The following DHX57 variants were observed in gnomAD, a reference collection of about 807,000 sequenced individuals.
The protein encoded by DHX57 is DExH-box helicase 57, also known as putative ATP-dependent RNA helicase DHX57.
A neutral mutation model predicts 156.2 loss-of-function variants in DHX57; 105 were observed. That is an observed-to-expected ratio of 0.67 (90% CI 0.57 to 0.79). DHX57 has a LOEUF of 0.79. Ranked by LOEUF, DHX57 falls within the 30% of genes least tolerant of loss-of-function variation. The probability of loss-of-function intolerance (pLI) is 0.00; values close to 1 mark genes in which losing one functional copy is unlikely to be tolerated. For missense variants in DHX57, 1,847 were observed against 1,661.9 expected, an observed-to-expected ratio of 1.11 and a Z score of -1.94; for synonymous variants, 704 against 595.6, an observed-to-expected ratio of 1.18 and a Z score of -2.65.
At chr2:38,837,526 G>A (rs569581071) in intron 13 of DHX57, among the ~76,000 whole-genome samples, 12 of 145,518 alleles carry the variant, frequency 8.2e-5, no homozygotes, top group Non-Finnish European at 1.3e-4. Flanking sequence ...CAGGAGAATC[G>A]CTTGAACCCG....
At chr2:38,845,700 TAAG>T (rs1006488720) in intron 11 of DHX57, among the ~76,000 whole-genome samples, 1 of 151,978 alleles carries the variant, frequency 6.6e-6, no homozygotes, top group African/African-American at 2.4e-5. Flanking sequence ...GATCAGAGAC[TAAG>T]AAGAGAAAGT....
intron 9 of DHX57, among the ~76,000 whole-genome samples, chr2:38,852,394 C>G (rs1197823486): frequency 6.7e-6 from 1 of 148,924 alleles, no homozygotes; most frequent in East Asian, 2.0e-4. Flanking sequence ...TCCTATCAGT[C>G]CACCAAGTTT....
Position 38,823,204 on chromosome 2 carries a change from G to C in DHX57, c.3080C>G (p.Pro1027Arg). Residue 1027 changes from proline (P) to arginine (R), a missense_variant, in exon 17 of 24, where the codon CCT becomes CGT. Pro to Arg is a moderately radical substitution (Grantham distance 103). Transcript: ENST00000457308. ...LQSVFSRLIEPPHTDSLRASK... is the reference protein window; with the variant it reads ...LQSVFSRLIERPHTDSLRASK... ...GGCACGAAGAGAATCGGTGTGTGGAGGTTCAATGAGCCGAGAGAACACAGA... is the reference window on the plus strand; with the variant it reads ...GGCACGAAGAGAATCGGTGTGTGGACGTTCAATGAGCCGAGAGAACACAGA... The C allele has an allele frequency of 1.2e-6, 2 of 1,614,122 alleles. No homozygotes were observed. The highest frequency in any genetic ancestry group is 2.2e-5 in the East Asian group (1 of 44,882).
chr2:38,817,498 T>C (rs1338359506), intron 19 of DHX57, among the ~76,000 whole-genome samples: 1 of 151,626 alleles, frequency 6.6e-6, no homozygotes, highest in African/African-American at 2.4e-5. Context: ...GTATTTTTAA[T>C]AGAGATGGAG....
Position 38,813,896 on chromosome 2 carries a change from CTA to C in DHX57, c.3607-3_3607-2del. Reference sequence around the variant, plus strand: ...TGGGGTTCTCAGCATTTGAGTTTGCCTATGAGAAAAGCACAGCATTAATTAAC... The same window carrying C: ...TGGGGTTCTCAGCATTTGAGTTTGCCTGAGAAAAGCACAGCATTAATTAAC... On this transcript the variant is annotated splice_acceptor_variant and splice_polypyrimidine_tract_variant and intron_variant, in intron 20 of 23. Transcript: ENST00000457308. LOFTEE classifies it high-confidence loss of function. The C allele has an allele frequency of 6.2e-7, 1 of 1,612,740 alleles. No individual in the cohort carries two copies. The highest frequency in any genetic ancestry group is 8.5e-7 in the Non-Finnish European group (1 of 1,179,100).
At chr2:38,872,160 TG>T (rs1286072787) in intron 1 of DHX57, among the ~76,000 whole-genome samples, 2 of 152,204 alleles carry the variant, frequency 1.3e-5, no homozygotes, top group East Asian at 3.8e-4. Context: ...ACATGAACTT[TG>T]GGGGTAAACA....
intron 5 of DHX57, among the ~76,000 whole-genome samples, 153 bp from the exon 6 acceptor site, chr2:38,858,989 T>C (rs1431626149): frequency 6.6e-6 from 1 of 152,236 alleles, no homozygotes; most frequent in East Asian, 1.9e-4. Context: ...CTAGTATTTC[T>C]ATTTCTAAAG....
chr2:38,856,888 G>T, intron 6 of DHX57: 1 of 154,442 alleles, frequency 6.5e-6, no homozygotes, highest in Non-Finnish European at 1.4e-5. Context: ...ATTGGATGTA[G>T]AAGACTTTAT....
At chr2:38,815,906 A>T (rs1670523199) in intron 19 of DHX57, 2 of 516,440 alleles carry the variant, frequency 3.9e-6, no homozygotes, top group African/African-American at 1.9e-5. Flanking sequence ...AGGATCATTT[A>T]TTTAACTCTA....
chr2:38,815,823 G>A lies in DHX57; in HGVS notation c.3472-168C>T. The A allele has an allele frequency of 4.8e-6, 4 of 839,596 alleles. No individual in the cohort carries two copies. The South Asian group carries it at 5.7e-5, about 12-fold the overall frequency. The allele number at this position is 839,596 out of a possible 1,614,324, so 52.0% of individuals were successfully genotyped here. On this transcript the variant is annotated intron_variant, in intron 19 of 23. Coordinates refer to ENST00000457308, the MANE Select transcript of DHX57 (RefSeq NM_198963.3). ...GATCTTGTCTGGTCATTTCCAAGAA[G>A]CAGCTTTCACTTACGCAAACTGGCA...
intron 13 of DHX57, among the ~76,000 whole-genome samples, chr2:38,830,278 T>C (rs1421871612): frequency 6.6e-6 from 1 of 152,176 alleles, no homozygotes; most frequent in Non-Finnish European, 1.5e-5. Flanking sequence ...TACCTCACAG[T>C]AACAAAGAAT....
Position 38,802,932 on chromosome 2 carries a change from C to T in DHX57, c.3817-17G>A, listed in dbSNP as rs13029406. 0.61 allele frequency: 986,220 copies of T among 1,613,348 alleles called. 306,205 individuals carry two copies. The highest frequency in any genetic ancestry group is 0.81 in the East Asian group (36,532 of 44,828). On this transcript the variant is annotated splice_polypyrimidine_tract_variant and intron_variant, in intron 22 of 23. Transcript: ENST00000457308. ...GTGTCTCACCTGTAACAAAAAACCT[C>T]AGATGATGACAGTGATGTCACTGGC...
At chr2:38,864,385 A>T (rs927458685) in intron 2 of DHX57, among the ~76,000 whole-genome samples, 23 of 151,224 alleles carry the variant, frequency 1.5e-4, no homozygotes, top group Non-Finnish European at 1.0e-4. Flanking sequence ...GTCTCTATTT[A>T]AAAAAAAAGA....
intron 11 of DHX57, among the ~76,000 whole-genome samples, chr2:38,845,428 T>C (rs1204667204): frequency 6.6e-6 from 1 of 151,988 alleles, no homozygotes; most frequent in African/African-American, 2.4e-5. Flanking sequence ...CTTGAGAATA[T>C]AGTACCATTA....
rs1031380007 is a variant in DHX57, at chr2:38,845,978, G to T, written c.2219+1041C>A. Reference sequence around the variant, plus strand: ...CCTTCCAGGTTCAAGCGATTCTCCTGCCTCAGCCTCCAGATTGGCTGGCAT... The same window carrying T: ...CCTTCCAGGTTCAAGCGATTCTCCTTCCTCAGCCTCCAGATTGGCTGGCAT... On this transcript the variant is annotated intron_variant, in intron 11 of 23. Coordinates refer to ENST00000457308, the MANE Select transcript of DHX57 (RefSeq NM_198963.3). 2.7e-5 allele frequency among the ~76,000 whole-genome samples: 4 copies of T among 150,734 alleles called. No homozygotes were observed. In the South Asian group the frequency reaches 8.3e-4, roughly 31 times the overall value.
At chr2:38,828,736 AAG>A (rs1328774770) in intron 13 of DHX57, among the ~76,000 whole-genome samples, 1 of 151,940 alleles carries the variant, frequency 6.6e-6, no homozygotes, top group Non-Finnish European at 1.5e-5. Flanking sequence ...AAAAAAAAAA[AAG>A]AGAAATTTTC....
intron 5 of DHX57, 84 bp downstream of exon 5, chr2:38,860,915 C>G (rs570357596): frequency 4.0e-6 from 5 of 1,242,546 alleles, no homozygotes; most frequent in Non-Finnish European, 5.6e-6. Context: ...GATCACTAAG[C>G]CATCCTAGAC....
intron 2 of DHX57, among the ~76,000 whole-genome samples, chr2:38,865,326 C>A (rs1033190289): frequency 2.6e-5 from 4 of 152,126 alleles, no homozygotes; most frequent in African/African-American, 9.7e-5. Context: ...TGAGTAACTT[C>A]TCACGAGATC....
At chr2:38,853,499 C>G (rs1025394688) in intron 9 of DHX57, 8 of 152,220 alleles carry the variant, frequency 5.3e-5, no homozygotes, top group African/African-American at 1.9e-4. Flanking sequence ...TCCCTCCAAA[C>G]ACAGCATGCC....
Sources: allele counts gnomAD v4.1 joint callset (sites outside exome capture counted in the v4.1 genomes callset), GRCh38; gene constraint gnomAD v4.1.1; transcripts MANE v1.5; gene names NCBI Gene and HGNC (gene_info 2026-07-23, HGNC 2026-07-21).